The following FH variants were observed in gnomAD, a reference collection of about 807,000 sequenced individuals.
The protein encoded by FH is fumarate hydratase, mitochondrial.
Under a neutral mutation model 49.4 loss-of-function variants are expected in FH, and 22 were observed. The observed-to-expected ratio is 0.45, with a 90% CI of 0.32 to 0.64. FH has a LOEUF of 0.64. FH is among the 30% of genes least tolerant of loss of function. The pLI is 0.05. For missense variants in FH, 526 were observed against 641.5 expected, an observed-to-expected ratio of 0.82 and a Z score of 1.95; for synonymous variants, 208 against 223.0, an observed-to-expected ratio of 0.93 and a Z score of 0.60.
intron 4 of FH, among the ~76,000 whole-genome samples, chr1:241,511,242 G>A (rs1428824052): frequency 6.6e-6 from 1 of 152,154 alleles, no homozygotes; most frequent in Non-Finnish European, 1.5e-5. Flanking sequence ...TACCATGTGA[G>A]GACACAGAAA....
chr1:241,515,620 A>G (rs546142783), intron 2 of FH, among the ~76,000 whole-genome samples: 1 of 152,344 alleles, frequency 6.6e-6, no homozygotes, highest in South Asian at 2.1e-4. Flanking sequence ...ATGACTTAAA[A>G]TTATTGAAAA....
At chr1:241,505,925 A>G in intron 6 of FH, 78 bp downstream of exon 6, 1 of 1,311,760 alleles carries the variant, frequency 7.6e-7, no homozygotes, top group Non-Finnish European at 1.1e-6. Flanking sequence ...CAAGAATTCA[A>G]GACAGGAACA....
At chr1:241,504,360 G>GA in intron 6 of FH, 115 bp from the exon 7 acceptor site, 2 of 1,008,132 alleles carry the variant, frequency 2.0e-6, no homozygotes, top group South Asian at 1.5e-5. Flanking sequence ...TTTTACTTCA[G>GA]AAAAAAATGT....
At chr1:241,505,805 A>T (rs1659913315) in intron 6 of FH, among the ~76,000 whole-genome samples, 198 bp downstream of exon 6, 2 of 152,204 alleles carry the variant, frequency 1.3e-5, no homozygotes, top group Admixed American at 1.3e-4. Context: ...ATGCTGTATA[A>T]ACTCCTACAT....
intron 4 of FH, among the ~76,000 whole-genome samples, chr1:241,510,702 C>T (rs745598623): frequency 1.1e-4 from 16 of 152,182 alleles, no homozygotes; most frequent in South Asian, 6.2e-4. Flanking sequence ...CAAGGTAGCG[C>T]GCTATTAATT....
At chr1:241,505,668 T>C (rs551344855) in intron 6 of FH, among the ~76,000 whole-genome samples, 1 of 152,356 alleles carries the variant, frequency 6.6e-6, no homozygotes, top group East Asian at 1.9e-4. Flanking sequence ...ACATATTTAC[T>C]ATTCAAATAA....
intron 6 of FH, 90 bp downstream of exon 6, chr1:241,505,913 C>T (rs1209753597): frequency 1.6e-5 from 19 of 1,187,658 alleles, no homozygotes; most frequent in Non-Finnish European, 2.4e-5. Flanking sequence ...ACTTTAAATT[C>T]ACAAGAATTC....
In FH at chr1:241,511,950, A is replaced by G. The variant is rs201109559; in HGVS notation, c.555+17T>C. 2.2e-5 allele frequency: 36 copies of G among 1,613,390 alleles called. No homozygotes were observed. Among genetic ancestry groups the G allele is most frequent in the Non-Finnish European group, 2.7e-5 (32 of 1,179,584 alleles). ...TTTCAATTTATAACCAAAAAACAGC[A>G]AAGCTCACATACTGACCTGGCTTTT... is the stretch of plus-strand genomic sequence containing the variant. On this transcript the variant is annotated intron_variant, in intron 4 of 9. Coordinates refer to ENST00000366560, the MANE Select transcript of FH (RefSeq NM_000143.4).
Position 241,512,104 on chromosome 1 carries a change from C to G in FH, c.418G>C (p.Val140Leu), listed in dbSNP as rs746195750. 1 of 1,613,836 alleles carries G rather than the reference C, an allele frequency of 6.2e-7. No homozygotes were observed. The highest frequency in any genetic ancestry group is 2.2e-5 in the East Asian group (1 of 44,858). Residue 140 changes from valine (V) to leucine (L), a missense_variant, in exon 4 of 10, where the codon GTA becomes CTA. Physicochemically the swap from Val to Leu is conservative, Grantham distance 32 (BLOSUM62 1). Coordinates refer to ENST00000366560, the MANE Select transcript of FH (RefSeq NM_000143.4). ...TGAGTTCCTGATCCAGTCTGCCATA[C>G]CACGAGAGGAAAATGATCATTTAAT... ...GKLNDHFPLV[V>L]WQTGSGTQTN...
intron 6 of FH, among the ~76,000 whole-genome samples, chr1:241,505,771 C>T (rs988856614): frequency 6.6e-6 from 1 of 152,142 alleles, no homozygotes; most frequent in African/African-American, 2.4e-5. Context: ...GTAAACAAAG[C>T]TAACACTGGT....
intron 3 of FH, 30 bp from the exon 4 acceptor site, chr1:241,512,173 A>T (rs752846961): frequency 1.3e-6 from 2 of 1,590,374 alleles, no homozygotes; most frequent in South Asian, 1.1e-5. Flanking sequence ...AATGTATTTT[A>T]AAAAAGGAAA....
At position 241,513,749 on chromosome 1, in the gene FH, T is replaced by G. The variant is rs1302083564; in HGVS notation, c.268-36A>C. On this transcript the variant is annotated intron_variant, in intron 2 of 9. Transcript: ENST00000366560. ...TCAGAAAAATATTTCAAATTTACAA[T>G]TTTACTTAAGCATGGAAGTTTATTA... 3.2e-6 allele frequency: 5 copies of G among 1,545,762 alleles called. No homozygotes were observed. In the Admixed American group the frequency reaches 8.4e-5, roughly 26 times the overall value.
intron 4 of FH, among the ~76,000 whole-genome samples, chr1:241,510,281 G>A (rs935594897): frequency 7.2e-5 from 11 of 152,130 alleles, no homozygotes; most frequent in Non-Finnish European, 1.2e-4. Flanking sequence ...AACAATACAA[G>A]ACAATGAGCT....
At chr1:241,503,706 A>G (rs1033114517) in intron 7 of FH, among the ~76,000 whole-genome samples, 1 of 152,274 alleles carries the variant, frequency 6.6e-6, no homozygotes, top group Admixed American at 6.5e-5. Context: ...GTCACTTGCT[A>G]TATCTAACAG....
chr1:241,517,553 G>C (rs1257862240), intron 1 of FH, among the ~76,000 whole-genome samples: 1 of 152,038 alleles, frequency 6.6e-6, no homozygotes, highest in African/African-American at 2.4e-5. Context: ...ATACTATGCT[G>C]GTGATAAACA....
intron 3 of FH, 56 bp from the exon 4 acceptor site, chr1:241,512,199 T>A: frequency 6.7e-7 from 1 of 1,502,266 alleles, no homozygotes; most frequent in Non-Finnish European, 9.2e-7. Context: ...ATGCTGATTA[T>A]GCCACAGAGT....
chr1:241,517,988 T>C (rs1660264671), intron 1 of FH, among the ~76,000 whole-genome samples: 1 of 152,164 alleles, frequency 6.6e-6, no homozygotes, highest in Admixed American at 6.5e-5. Flanking sequence ...AAGACAAGAA[T>C]AAAACACTGC....
At chr1:241,501,643 T>C (rs1257485850) in intron 8 of FH, among the ~76,000 whole-genome samples, 7 of 152,164 alleles carry the variant, frequency 4.6e-5, no homozygotes, top group Non-Finnish European at 1.0e-4. Flanking sequence ...TACTCCATAT[T>C]TGTCATTTGC....
intron 1 of FH, among the ~76,000 whole-genome samples, chr1:241,517,624 C>A (rs1660255236): frequency 6.6e-6 from 1 of 152,064 alleles, no homozygotes; most frequent in Non-Finnish European, 1.5e-5. Context: ...TATTACTGGT[C>A]AAGATTTGGC....
Sources: gnomAD v4.1 joint callset for allele counts (sites outside exome capture counted in the v4.1 genomes callset) on GRCh38, gnomAD v4.1.1 for gene constraint, MANE v1.5 for transcripts, NCBI Gene and HGNC (gene_info 2026-07-23, HGNC 2026-07-21) for gene names.